NAV1: variants seen among roughly 807,000 people sequenced by gnomAD.
The protein encoded by NAV1 is pore membrane and/or filament interacting like protein 3.
In NAV1, 18 loss-of-function variants were observed where a neutral mutation model predicts 175.2. That is an observed-to-expected ratio of 0.10 (90% confidence interval 0.07 to 0.15). The LOEUF (loss-of-function observed/expected upper bound fraction) is 0.15, where lower values mean the gene tolerates loss of function less well. Ranked by LOEUF, NAV1 falls within the 10% of genes least tolerant of loss-of-function variation. NAV1 has a pLI of 1.00. For synonymous variants in NAV1, 897 were observed against 978.7 expected (o/e 0.92, Z 1.56); for missense variants, 1,731 against 2,436.6 (o/e 0.71, Z 6.10).
intron 24 of NAV1, among the ~76,000 whole-genome samples, chr1:201,811,094 T>A (rs1678665909): frequency 2.0e-5 from 3 of 152,190 alleles, no homozygotes; most frequent in Admixed American, 2.0e-4. Context: ...TCCTCATTTC[T>A]ACCCCACTGT....
chr1:201,555,079 C>T (rs776870271), intron 1 of NAV1, among the ~76,000 whole-genome samples: 1 of 152,176 alleles, frequency 6.6e-6, no homozygotes, highest in Non-Finnish European at 1.5e-5. Context: ...CTTATAAATA[C>T]AGCAGTCATA....
Position 201,808,567 on chromosome 1 carries a change from CCCA to C in NAV1, c.3999_4001del (p.His1333del). 1.2e-6 allele frequency: 2 copies of C among 1,614,254 alleles called. No individual in the cohort carries two copies. Among genetic ancestry groups the C allele is most frequent in the Non-Finnish European group, 1.7e-6 (2 of 1,180,044 alleles). On this transcript the variant is annotated inframe_deletion, in exon 19 of 30. Transcript: ENST00000367296. The surrounding 1 kb of genome is among the most constrained non-coding windows in gnomAD (Gnocchi z 5.5). ...ATCCGCTTGGAGGCCCTCAACTCTG[CCCA>C]CCAACTGGATCAGCTTCGGGAGACC... is the stretch of plus-strand genomic sequence containing the variant.
At chr1:201,702,614 C>A (rs35856820) in intron 1 of NAV1, among the ~76,000 whole-genome samples, 2,327 of 150,870 alleles carry the variant, frequency 0.015, 84 homozygotes, top group African/African-American at 0.055. Flanking sequence ...AAGTGATCCA[C>A]CAGCGTCGGC....
At chr1:201,741,240 A>G (rs1408624003) in intron 3 of NAV1, among the ~76,000 whole-genome samples, 1 of 152,188 alleles carries the variant, frequency 6.6e-6, no homozygotes, top group African/African-American at 2.4e-5. Flanking sequence ...CTGCAAGACC[A>G]TGGGCACCAG....
intron 3 of NAV1, among the ~76,000 whole-genome samples, chr1:201,748,902 C>G (rs752030498): frequency 2.6e-5 from 4 of 152,136 alleles, no homozygotes; most frequent in Non-Finnish European, 5.9e-5. Flanking sequence ...AATCCTAGCA[C>G]TTTGGGAGGC....
At chr1:201,626,265 TG>T (rs1163955594) in intron 1 of NAV1, among the ~76,000 whole-genome samples, 1 of 152,220 alleles carries the variant, frequency 6.6e-6, no homozygotes, top group Non-Finnish European at 1.5e-5. Flanking sequence ...ATTGTGTTTT[TG>T]TGGAAATCTC....
chr1:201,823,868 A>G lies in NAV1; in HGVS notation c.*3936A>G, dbSNP rs568965380. On this transcript the variant is annotated 3_prime_UTR_variant, in exon 30 of 30. Coordinates refer to ENST00000367296, the Ensembl canonical transcript of NAV1. ...CCTTACAGTGGTCTGAGGAGTAACTATTTCCTAAAGTATTCTAAAAGAGTA... is the reference window on the plus strand; with the variant it reads ...CCTTACAGTGGTCTGAGGAGTAACTGTTTCCTAAAGTATTCTAAAAGAGTA... 3.3e-5 allele frequency: 5 copies of G among 152,210 alleles called. No homozygotes were observed. In the Middle Eastern group the frequency reaches 0.017, roughly 518 times the overall value. 9.4% of individuals were successfully genotyped at this position (152,210 alleles called of 1,614,324 possible).
intron 2 of NAV1, among the ~76,000 whole-genome samples, chr1:201,630,881 A>G (rs1668462458): frequency 6.6e-6 from 1 of 152,204 alleles, no homozygotes; most frequent in Non-Finnish European, 1.5e-5. Context: ...ACATTGTTAG[A>G]GCCTAATGAT....
upstream of NAV1, among the ~76,000 whole-genome samples, chr1:201,643,491 A>C (rs533221053): frequency 1.3e-5 from 2 of 148,212 alleles, no homozygotes; most frequent in Non-Finnish European, 3.0e-5. Context: ...GTGCAACCTC[A>C]GCTCACCACA....
chr1:201,783,870 C>A lies in NAV1; in HGVS notation c.2804+18C>A. The A allele has an allele frequency of 6.3e-7, 1 of 1,586,088 alleles. No homozygotes were observed. Among genetic ancestry groups the A allele is most frequent in the Non-Finnish European group, 8.6e-7 (1 of 1,163,838 alleles). On this transcript the variant is annotated intron_variant, in intron 7 of 29. Coordinates refer to ENST00000367296, the Ensembl canonical transcript of NAV1. The stretch of plus-strand genomic sequence containing the variant: ...CTGGACAGGTAGGTAGAAAAGACAG[C>A]AGAACCTCGGCCTGTCTCCGTGTCT...
chr1:201,620,435 G>GT (rs757977091), upstream of NAV1, among the ~76,000 whole-genome samples: 6 of 145,382 alleles, frequency 4.1e-5, no homozygotes, highest in Non-Finnish European at 8.9e-5. Flanking sequence ...CCACAGCAGT[G>GT]TATGGGAGAC....
At chr1:201,715,331 T>G (rs1672094793) in intron 2 of NAV1, among the ~76,000 whole-genome samples, 1 of 152,116 alleles carries the variant, frequency 6.6e-6, no homozygotes, top group Non-Finnish European at 1.5e-5. Flanking sequence ...GGCTAATTTT[T>G]GTATTTTTAG....
At chr1:201,733,673 G>A (rs770002474) in intron 3 of NAV1, among the ~76,000 whole-genome samples, 45 of 152,170 alleles carry the variant, frequency 3.0e-4, no homozygotes, top group Non-Finnish European at 7.3e-5. Flanking sequence ...GTCAGGGAAG[G>A]CTTCTTTGAT....
intron 1 of NAV1, among the ~76,000 whole-genome samples, chr1:201,575,906 G>A (rs950151942): frequency 7.2e-5 from 11 of 152,068 alleles, no homozygotes; most frequent in Admixed American, 4.6e-4. Flanking sequence ...TTATTTATTC[G>A]TGCATGCTTT....
intron 1 of NAV1, among the ~76,000 whole-genome samples, chr1:201,549,773 G>A (rs1665794449): frequency 6.6e-6 from 1 of 150,552 alleles, no homozygotes; most frequent in Non-Finnish European, 1.5e-5. Context: ...CACTTCGGGA[G>A]GCTGAAGCGG....
chr1:201,642,290 G>T (rs1668791659), intron 2 of NAV1, among the ~76,000 whole-genome samples: 1 of 150,724 alleles, frequency 6.6e-6, no homozygotes, highest in South Asian at 2.1e-4. Context: ...TCGGCTCACT[G>T]CAGGCTCCGC....
At chr1:201,671,695 G>A (rs566998578) in intron 1 of NAV1, among the ~76,000 whole-genome samples, 5 of 152,166 alleles carry the variant, frequency 3.3e-5, no homozygotes, top group Non-Finnish European at 7.3e-5. Flanking sequence ...CCCTGGGCAC[G>A]CTGGGTCTCT....
intron 1 of NAV1, among the ~76,000 whole-genome samples, chr1:201,549,084 T>C (rs147009330): frequency 2.2e-3 from 141 of 63,094 alleles, no homozygotes; most frequent in African/African-American, 5.8e-3. Flanking sequence ...TTTCTCTTTC[T>C]TTCTTTCTTT....
intron 2 of NAV1, among the ~76,000 whole-genome samples, chr1:201,610,658 A>G (rs1390322619): frequency 5.3e-5 from 8 of 152,190 alleles, no homozygotes; most frequent in Admixed American, 5.2e-4. Context: ...CTCTAGACAC[A>G]GGCTGGGGTG....
Sources: gnomAD v4.1 joint callset for allele counts (sites outside exome capture counted in the v4.1 genomes callset) on GRCh38, gnomAD v4.1.1 for gene constraint, Gnocchi (gnomAD v3.1) non-coding constraint, MANE v1.5 for transcripts, NCBI Gene and HGNC (gene_info 2026-07-23, HGNC 2026-07-21) for gene names.